The following CCDC74B variants were observed in gnomAD, a reference collection of about 807,000 sequenced individuals.
CCDC74B encodes the protein coiled-coil domain-containing protein 74B.
Under a neutral mutation model 38.0 loss-of-function variants are expected in CCDC74B, and 34 were observed. The observed-to-expected ratio is 0.89, with a 90% CI of 0.68 to 1.19. CCDC74B has a LOEUF of 1.19. Ranked by LOEUF, CCDC74B falls within the 50% of genes most tolerant of loss-of-function variation. CCDC74B has a pLI of 0.00. For missense variants in CCDC74B, 358 were observed against 406.0 expected (o/e 0.88, Z 1.02); for synonymous variants, 132 against 170.4 (o/e 0.77, Z 1.76).
rs1179363296 is a variant in CCDC74B, at chr2:130,144,851, C to G, written c.146G>C (p.Arg49Pro). ...TAGGCTCTTCTCCAGGTCCAGGTTC[C>G]GTTTCTGCGGGTCGCTCTGCCTGAG... ...PQLRQSDPQK[R>P]NLDLEKSLQF... Residue 49 changes from arginine to proline, a missense_variant, in exon 1 of 8, where the codon CGG becomes CCG. Arg to Pro is a moderately radical substitution (Grantham distance 103, BLOSUM62 -2). Transcript: ENST00000409943. 4.3e-6 allele frequency: 7 copies of G among 1,613,542 alleles called. No individual in the cohort carries two copies. The highest frequency in any genetic ancestry group is 1.3e-5 in the African/African-American group (1 of 74,790).
At chr2:130,140,445 A>G in intron 4 of CCDC74B, 74 bp from the exon 5 acceptor site, 4 of 1,479,726 alleles carry the variant, frequency 2.7e-6, no homozygotes, top group Non-Finnish European at 3.6e-6. Flanking sequence ...ATACCTCCCC[A>G]GGCAGCGCCC....
chr2:130,139,832 C>T (rs1685478132), intron 7 of CCDC74B, 59 bp downstream of exon 7: 1 of 1,610,416 alleles, frequency 6.2e-7, no homozygotes, highest in South Asian at 1.1e-5. Flanking sequence ...CTTCCCCACT[C>T]CCTCCCTGGG....
chr2:130,140,351 G>A lies in CCDC74B; in HGVS notation c.506C>T (p.Ser169Phe). 2 of 1,596,822 alleles carry A rather than the reference G, an allele frequency of 1.3e-6. No individual in the cohort carries two copies. Among genetic ancestry groups the A allele is most frequent in the Non-Finnish European group, 8.5e-7 (1 of 1,172,180 alleles). The stretch of plus-strand genomic sequence containing the variant: ...CCCCATACAGGCAGCTCCTGCGTTA[G>A]AGGCCTCTGCTTTCTCCTTTCTGAA... ...GQARKEKAEASNAGAACMGNS... is the reference protein window; with the variant it reads ...GQARKEKAEAFNAGAACMGNS... Residue 169 changes from serine to phenylalanine, a missense_variant, in exon 5 of 8, where the codon TCT becomes TTT. Coordinates refer to ENST00000409943, the MANE Select transcript of CCDC74B (RefSeq NM_001258307.2).
chr2:130,143,241 A>G (rs10166568), intron 2 of CCDC74B, 28 bp downstream of exon 2: 1 of 1,609,858 alleles, frequency 6.2e-7, no homozygotes, highest in South Asian at 1.1e-5. Flanking sequence ...AGAGCATCCC[A>G]TCAGGAACTG....
At position 130,144,739 on chromosome 2, in the gene CCDC74B, C is replaced by G. The variant is rs557449763; in HGVS notation, c.250+8G>C. ...GCAGGGCCGGCCTAGGGCCCCGCGC[C>G]GGCTCACCCTTGTTTTCCCGCTTCA... On this transcript the variant is annotated splice_region_variant and intron_variant, in intron 1 of 7. Coordinates refer to ENST00000409943, the MANE Select transcript of CCDC74B (RefSeq NM_001258307.2). 1.9e-6 allele frequency: 3 copies of G among 1,611,248 alleles called. No homozygotes were observed. The highest frequency in any genetic ancestry group is 2.5e-6 in the Non-Finnish European group (3 of 1,179,156).
Position 130,145,001 on chromosome 2 carries a change from C to T in CCDC74B, c.-5G>A. Reference sequence around the variant, plus strand: ...CGCCACCCCCGCACCGCTCATATCGCCATCGCCAGGTACTCTCCCGCTGCC... The same window carrying T: ...CGCCACCCCCGCACCGCTCATATCGTCATCGCCAGGTACTCTCCCGCTGCC... On this transcript the variant is annotated 5_prime_UTR_variant, in exon 1 of 8. Coordinates refer to ENST00000409943, the MANE Select transcript of CCDC74B (RefSeq NM_001258307.2). 1 of 1,443,358 alleles carries T rather than the reference C, an allele frequency of 6.9e-7. No homozygotes were observed. The highest frequency in any genetic ancestry group is 1.5e-5 in the African/African-American group (1 of 68,496). The allele number at this position is 1,443,358 out of a possible 1,614,324, so 89.4% of individuals were successfully genotyped here.
chr2:130,140,599 A>G, intron 4 of CCDC74B: 1 of 543,332 alleles, frequency 1.8e-6, no homozygotes, highest in South Asian at 2.8e-5. Flanking sequence ...TCAGTGGGTG[A>G]CCAGCTAGCT....
intron 1 of CCDC74B, 53 bp downstream of exon 1, chr2:130,144,694 T>C (rs539556295): frequency 8.8e-6 from 14 of 1,598,522 alleles, no homozygotes; most frequent in Non-Finnish European, 1.2e-5. Context: ...GGAGCGGCAG[T>C]GTTGAGTGTG....
Position 130,143,906 on chromosome 2 carries a change from C to T in CCDC74B, c.251-593G>A, listed in dbSNP as rs1335596192. ...CATCCTGGCGGGCCCTCCTCCTGCT[C>T]GGGGCAGGAGGGGTGGGGGAGGAGG... On this transcript the variant is annotated intron_variant, in intron 1 of 7. Coordinates refer to ENST00000409943, the MANE Select transcript of CCDC74B (RefSeq NM_001258307.2). Among the ~76,000 whole-genome samples, 21 of 117,896 alleles carry T rather than the reference C, an allele frequency of 1.8e-4. No homozygotes were observed. The South Asian group carries it at 4.2e-3, about 24-fold the overall frequency. 77.3% of individuals were successfully genotyped at this position (117,896 alleles called of 152,430 possible).
rs1341839331 is a variant in CCDC74B at position 130,139,369 on chromosome 2, T to C, written c.*186A>G. ...CGTGTGCTTTTATGTAAATGCCAAA[T>C]AGCAAAATAACAGCTAGAAAATAAA... is the stretch of plus-strand genomic sequence containing the variant. On this transcript the variant is annotated 3_prime_UTR_variant, in exon 8 of 8. Transcript: ENST00000409943. 9.7e-6 allele frequency: 7 copies of C among 724,468 alleles called. No homozygotes were observed. Among genetic ancestry groups the C allele is most frequent in the Admixed American group, 8.9e-5 (3 of 33,768 alleles). The allele number at this position is 724,468 out of a possible 1,614,324, so 44.9% of individuals were successfully genotyped here.
chr2:130,142,965 C>G, intron 2 of CCDC74B: 1 of 1,524,594 alleles, frequency 6.6e-7, no homozygotes, highest in Non-Finnish European at 8.8e-7. Flanking sequence ...AGGGGCTGTC[C>G]CAGGGGTTCC....
intron 1 of CCDC74B, chr2:130,144,340 C>T: frequency 4.2e-6 from 3 of 708,740 alleles, no homozygotes; most frequent in Admixed American, 2.2e-5. Flanking sequence ...GGGGTTTCAC[C>T]GTGTTAGCCA....
Position 130,143,266 on chromosome 2 carries a change from C to T in CCDC74B, c.295+3G>A. ...ATCAGGAACTGAAGGGCCCAGTTCT[C>T]ACCTTTCTTCTGTGATGTCTGATTC... On this transcript the variant is annotated splice_donor_region_variant and intron_variant, in intron 2 of 7. Coordinates refer to ENST00000409943, the MANE Select transcript of CCDC74B (RefSeq NM_001258307.2). 20 of 1,613,778 alleles carry T rather than the reference C, an allele frequency of 1.2e-5. No homozygotes were observed. The highest frequency in any genetic ancestry group is 1.7e-5 in the Non-Finnish European group (20 of 1,179,710).
At chr2:130,144,320 T>C (rs1361903326) in intron 1 of CCDC74B, 13 of 579,878 alleles carry the variant, frequency 2.2e-5, no homozygotes, top group Non-Finnish European at 3.7e-5. Context: ...TTTGTATTTT[T>C]AGTAGAGACG....
chr2:130,141,007 C>T lies in CCDC74B; in HGVS notation c.485+151G>A. ...GTAGAGCGTGGCCGTCATCTGCTAT[C>T]ATGAGCCCTGGAGACAGGCCCCTGG... On this transcript the variant is annotated intron_variant, in intron 4 of 7. Transcript: ENST00000409943. 4 of 1,336,500 alleles carry T rather than the reference C, an allele frequency of 3.0e-6. No individual in the cohort carries two copies. The Admixed American group carries it at 7.3e-5, about 24-fold the overall frequency. The allele number at this position is 1,336,500 out of a possible 1,614,324, so 82.8% of individuals were successfully genotyped here.
In CCDC74B at chr2:130,140,312, T is replaced by C; in HGVS notation, c.545A>G (p.Gln182Arg). The C allele has an allele frequency of 6.2e-7, 1 of 1,611,870 alleles. No homozygotes were observed. Among genetic ancestry groups the C allele is most frequent in the Non-Finnish European group, 8.5e-7 (1 of 1,179,060 alleles). ...TGCCGCCGCCCCCATCTGCCTGCCC[T>C]GGTGCTGGCTGTTCCCCATACAGGC... ...GAACMGNSQH[Q>R]GRQMGAAAHP... is the part of the protein sequence containing the mutation. Residue 182 changes from glutamine (Q) to arginine (R), a missense_variant, in exon 5 of 8, where the codon CAG (glutamine) becomes CGG (arginine). Physicochemically the swap from Gln to Arg is conservative, Grantham distance 43. Around this residue, in one of 3 missense-constraint regions of CCDC74B, gnomAD observed 213 missense variants for 212.3 expected, o/e 1.00. Coordinates refer to ENST00000409943, the MANE Select transcript of CCDC74B (RefSeq NM_001258307.2).
At chr2:130,143,546 C>T (rs1309582822) in intron 1 of CCDC74B, among the ~76,000 whole-genome samples, 3 of 152,330 alleles carry the variant, frequency 2.0e-5, no homozygotes, top group South Asian at 4.1e-4. Context: ...TCAGCCTCAT[C>T]CATCTGAGAT....
At chr2:130,144,113 C>G (rs534919915) in intron 1 of CCDC74B, among the ~76,000 whole-genome samples, 8 of 152,124 alleles carry the variant, frequency 5.3e-5, no homozygotes, top group Admixed American at 1.3e-4. Flanking sequence ...CACTTGGGCA[C>G]GTTTCCCTGC....
At position 130,140,064 on chromosome 2, in the gene CCDC74B, G is replaced by C; in HGVS notation, c.711C>G (p.Ser237Arg). The change falls in exon 6 of 8, where the codon AGC (serine) becomes AGG (arginine). Residue 237 changes from serine to arginine, a missense_variant. Around this residue, in one of 3 missense-constraint regions of CCDC74B, gnomAD observed 213 missense variants for 212.3 expected, o/e 1.00. Transcript: ENST00000409943. ...CCTCCGGGACTGCCTGGGGCCTCTG[G>C]CTCCCTTCCAGGAGGGACTTGAGGT... ...LQHLKSLLEG[S>R]QRPQAVPEEA... 1 of 1,612,298 alleles carries C rather than the reference G, an allele frequency of 6.2e-7. No homozygotes were observed. Among genetic ancestry groups the C allele is most frequent in the Non-Finnish European group, 8.5e-7 (1 of 1,179,532 alleles).
Sources: allele counts gnomAD v4.1 joint callset (sites outside exome capture counted in the v4.1 genomes callset), GRCh38; gene constraint gnomAD v4.1.1; regional missense constraint gnomAD v4.1.1; transcripts MANE v1.5; gene names NCBI Gene and HGNC (gene_info 2026-07-23, HGNC 2026-07-21).